FAM227A: variants seen among roughly 807,000 people sequenced by gnomAD.
FAM227A encodes the protein protein FAM227A.
Under a neutral mutation model 74.7 loss-of-function variants are expected in FAM227A, and 80 were observed. That is an observed-to-expected ratio of 1.07 (90% confidence interval 0.89 to 1.29). The LOEUF is 1.29. Ranked by LOEUF, FAM227A falls within the 50% of genes most tolerant of loss-of-function variation. The pLI, the probability that FAM227A is intolerant of heterozygous loss-of-function variation, is 0.00. For synonymous variants in FAM227A, 237 were observed against 241.8 expected, an observed-to-expected ratio of 0.98 and a Z score of 0.19; for missense variants, 654 against 683.4, an observed-to-expected ratio of 0.96 and a Z score of 0.48.
intron 11 of FAM227A, 22 bp from the exon 12 acceptor site, chr22:38,607,498 AAG>A (rs1434055061): frequency 2.0e-6 from 3 of 1,474,554 alleles, no homozygotes; most frequent in Non-Finnish European, 2.8e-6. Flanking sequence ...AAGAGAGAGA[AAG>A]AGAGGGAGAA....
At chr22:38,640,940 C>T (rs962868176) in intron 3 of FAM227A, among the ~76,000 whole-genome samples, 2 of 151,972 alleles carry the variant, frequency 1.3e-5, no homozygotes, top group Non-Finnish European at 2.9e-5. Context: ...GGGGCGGTCA[C>T]AGGGGTTAGT....
intron 3 of FAM227A, among the ~76,000 whole-genome samples, chr22:38,644,601 C>T (rs1172933261): frequency 6.7e-6 from 1 of 148,554 alleles, no homozygotes; most frequent in Admixed American, 6.7e-5. Flanking sequence ...TGTACAACAC[C>T]AAGAATCCTA....
In FAM227A at chr22:38,585,925, G is replaced by A. The variant is rs748823793; in HGVS notation, c.*200C>T. 43 of 1,227,672 alleles carry A rather than the reference G, an allele frequency of 3.5e-5. No individual in the cohort carries two copies. The highest frequency in any genetic ancestry group is 9.2e-5 in the African/African-American group (6 of 65,286). 76.0% of individuals were successfully genotyped at this position (1,227,672 alleles called of 1,614,324 possible). A position where few individuals can be genotyped will look rare whatever the true frequency, so the allele number is the denominator to read the frequency against. ...AAGAGTAAATCTATGAATAAATGTA[G>A]TGACCCAAGCACCAACTCTCTACTC... On this transcript the variant is annotated 3_prime_UTR_variant, in exon 17 of 17. Transcript: ENST00000535113.
At chr22:38,654,220 C>G (rs1017167406) in intron 1 of FAM227A, among the ~76,000 whole-genome samples, 1 of 151,814 alleles carries the variant, frequency 6.6e-6, no homozygotes, top group Non-Finnish European at 1.5e-5. Flanking sequence ...TGATGGCAGG[C>G]GCCTGTTGTC....
At chr22:38,620,444 A>T (rs1234225387) in intron 10 of FAM227A, among the ~76,000 whole-genome samples, 153 bp from the exon 11 acceptor site, 1 of 152,110 alleles carries the variant, frequency 6.6e-6, no homozygotes, top group Non-Finnish European at 1.5e-5. Context: ...CAAGTTACCT[A>T]ACCCTGGTCC....
chr22:38,582,318 A>G lies in FAM227A; in HGVS notation c.*3807T>C. On this transcript the variant is annotated 3_prime_UTR_variant, in exon 17 of 17. Transcript: ENST00000535113. Reference sequence around the variant, plus strand: ...AATTCATAAGCAATTCAAAATCAGGACTATAGGATTTTAACTTCATCTCTT... The same window carrying G: ...AATTCATAAGCAATTCAAAATCAGGGCTATAGGATTTTAACTTCATCTCTT... The G allele has an allele frequency of 6.5e-7, 1 of 1,541,360 alleles. No individual in the cohort carries two copies. Among genetic ancestry groups the G allele is most frequent in the Non-Finnish European group, 8.8e-7 (1 of 1,139,316 alleles).
At chr22:38,595,975 G>C (rs938759946) in intron 15 of FAM227A, among the ~76,000 whole-genome samples, 2 of 150,970 alleles carry the variant, frequency 1.3e-5, no homozygotes, top group Non-Finnish European at 3.0e-5. Context: ...TAATAAGGGG[G>C]GGGGGGCAGG....
Position 38,583,170 on chromosome 22 carries a change from AC to A in FAM227A, c.*2954del. The stretch of plus-strand genomic sequence containing the variant: ...ACACGTTCTGGTTTCAGAAGACTAT[AC>A]TTTTTTTTTTTTTTTTTTGAGATGG... On this transcript the variant is annotated 3_prime_UTR_variant, in exon 17 of 17. Coordinates refer to ENST00000535113, the MANE Select transcript of FAM227A (RefSeq NM_001013647.2). The A allele has an allele frequency of 5.6e-6, 2 of 357,916 alleles. No individual in the cohort carries two copies. The highest frequency in any genetic ancestry group is 4.4e-5 in the South Asian group (1 of 22,832). 22.2% of individuals were successfully genotyped at this position (357,916 alleles called of 1,614,324 possible).
chr22:38,606,918 C>T (rs2091295588), intron 12 of FAM227A, among the ~76,000 whole-genome samples: 1 of 152,172 alleles, frequency 6.6e-6, no homozygotes, highest in Non-Finnish European at 1.5e-5. Context: ...GTGGCTCACG[C>T]CTGTCATCCC....
intron 11 of FAM227A, among the ~76,000 whole-genome samples, chr22:38,613,317 A>ATT (rs1255530316): frequency 9.6e-5 from 8 of 83,308 alleles, no homozygotes; most frequent in Admixed American, 4.0e-4. Context: ...TATAACATAT[A>ATT]ATATATATCA....
At chr22:38,608,783 AC>A (rs2091345856) in intron 11 of FAM227A, among the ~76,000 whole-genome samples, 2 of 131,994 alleles carry the variant, frequency 1.5e-5, no homozygotes, top group South Asian at 4.8e-4. Flanking sequence ...ATAAAATAAG[AC>A]CCTTGTTCCT....
chr22:38,641,056 C>A (rs765464448), intron 3 of FAM227A, among the ~76,000 whole-genome samples: 23 of 152,222 alleles, frequency 1.5e-4, no homozygotes, highest in Middle Eastern at 3.4e-3. Context: ...TATCTCTGAT[C>A]TTTACCAATG....
At chr22:38,642,590 C>T (rs2092140470) in intron 3 of FAM227A, among the ~76,000 whole-genome samples, 1 of 152,206 alleles carries the variant, frequency 6.6e-6, no homozygotes, top group African/African-American at 2.4e-5. Flanking sequence ...TGACAAGTCA[C>T]ATATTAGGAG....
intron 14 of FAM227A, among the ~76,000 whole-genome samples, chr22:38,598,822 G>A (rs1406997488): frequency 6.6e-6 from 1 of 152,202 alleles, no homozygotes; most frequent in Non-Finnish European, 1.5e-5. Flanking sequence ...TCGGTTTGCA[G>A]TAGAGTTGGT....
At chr22:38,648,981 A>C (rs1007266768) in intron 2 of FAM227A, among the ~76,000 whole-genome samples, 3 of 151,998 alleles carry the variant, frequency 2.0e-5, no homozygotes, top group Non-Finnish European at 4.4e-5. Flanking sequence ...CAAAAAAAAA[A>C]AAAAGAAAAA....
chr22:38,643,963 T>C (rs898061156), intron 3 of FAM227A, among the ~76,000 whole-genome samples: 4 of 151,614 alleles, frequency 2.6e-5, no homozygotes, highest in African/African-American at 4.9e-5. Flanking sequence ...CTGGCTAACA[T>C]GGTGAAACCC....
intron 9 of FAM227A, among the ~76,000 whole-genome samples, chr22:38,625,830 G>GC (rs34305342): frequency 0.36 from 54,029 of 150,916 alleles, 10,044 homozygotes; most frequent in East Asian, 0.47. Flanking sequence ...TGTAATCCCA[G>GC]TACTCAGGAG....
intron 11 of FAM227A, among the ~76,000 whole-genome samples, chr22:38,614,693 G>A (rs1317746709): frequency 6.6e-6 from 1 of 152,146 alleles, no homozygotes; most frequent in East Asian, 1.9e-4. Flanking sequence ...AGGTTCCAGA[G>A]TTTTTGATTA....
At chr22:38,607,250 C>G (rs2091304199) in intron 12 of FAM227A, 139 bp downstream of exon 12, 1 of 439,442 alleles carries the variant, frequency 2.3e-6, no homozygotes, top group South Asian at 2.9e-5. Context: ...TAAAATATTA[C>G]TTGGTGCCAA....
Sources: gnomAD v4.1 joint callset for allele counts (sites outside exome capture counted in the v4.1 genomes callset) on GRCh38, gnomAD v4.1.1 for gene constraint, MANE v1.5 for transcripts, NCBI Gene and HGNC (gene_info 2026-07-23, HGNC 2026-07-21) for gene names.